Variants in ITGB8 observed in about 807,000 individuals in gnomAD.
ITGB8 encodes integrin beta-8.
Under a neutral mutation model 89.5 loss-of-function variants are expected in ITGB8, and 30 were observed. The observed-to-expected ratio is 0.34, with a 90% CI of 0.25 to 0.45. The LOEUF is 0.45. Among genes scored for constraint, ITGB8 ranks in the 20% least tolerant of loss-of-function variants. ITGB8 has a pLI of 1.00. For synonymous variants in ITGB8, 335 were observed against 320.4 expected (o/e 1.05, Z -0.49); for missense variants, 836 against 933.3 (o/e 0.90, Z 1.36).
chr7:20,402,101 A>T lies in ITGB8; in HGVS notation c.1662A>T (p.Pro554=), dbSNP rs1421370177. 1 of 1,612,818 alleles carries T rather than the reference A, an allele frequency of 6.2e-7. No homozygotes were observed. Among genetic ancestry groups the T allele is most frequent in the African/African-American group, 1.3e-5 (1 of 74,924 alleles). Residue 554 remains proline, a synonymous_variant, in exon 10 of 14, where the codon CCA becomes CCT. Transcript: ENST00000222573. ...GTGAAAAGGATGACTTTTCTTGTCC[A>T]TATCACCATGGAAATCTGTGTGCTG... The part of the protein sequence containing the change: ...KYCEKDDFSC[P]YHHGNLCAGH...
chr7:20,401,161 TAG>T (rs1229802051), intron 9 of ITGB8, among the ~76,000 whole-genome samples: 4 of 152,030 alleles, frequency 2.6e-5, no homozygotes, highest in African/African-American at 9.7e-5. Context: ...GAATTTTTAG[TAG>T]AGATAGGGTT....
In ITGB8 at chr7:20,413,240, TA is replaced by T. The variant is rs543638320; in HGVS notation, c.*3253del. ...TCAGTTTATCTTTGGTTTATTAAAA[TA>T]AAAAAAAAATCTAAGATTAAACACA... On this transcript the variant is annotated 3_prime_UTR_variant, in exon 14 of 14. Transcript: ENST00000222573. The T allele has an allele frequency of 8.8e-3, 1,323 of 149,854 alleles. 4 individuals are homozygous for T. The highest frequency in any genetic ancestry group is 0.013 in the Non-Finnish European group (904 of 67,106). 9.3% of individuals were successfully genotyped at this position (149,854 alleles called of 1,614,324 possible). A position where few individuals can be genotyped will look rare whatever the true frequency, so the allele number is the denominator to read the frequency against.
chr7:20,397,377 A>C (rs1285187630), intron 8 of ITGB8, among the ~76,000 whole-genome samples: 1 of 151,974 alleles, frequency 6.6e-6, no homozygotes, highest in Non-Finnish European at 1.5e-5. Flanking sequence ...CAGGCGTATC[A>C]CGCACACCCG....
chr7:20,402,320 T>G (rs1787347925), intron 10 of ITGB8, among the ~76,000 whole-genome samples, 194 bp downstream of exon 10: 3 of 152,260 alleles, frequency 2.0e-5, no homozygotes. Flanking sequence ...TATCTTAACC[T>G]ATTTTATACA....
chr7:20,372,297 A>G (rs1235485444), intron 3 of ITGB8, among the ~76,000 whole-genome samples: 1 of 152,192 alleles, frequency 6.6e-6, no homozygotes, highest in Non-Finnish European at 1.5e-5. Context: ...CTGAGACTAT[A>G]AATGAACAGT....
intron 1 of ITGB8, among the ~76,000 whole-genome samples, chr7:20,337,780 T>C (rs1352269616): frequency 6.6e-6 from 1 of 152,236 alleles, no homozygotes; most frequent in Non-Finnish European, 1.5e-5. Flanking sequence ...CCTCAGGCCA[T>C]TGACCTCAAC....
At position 20,371,574 on chromosome 7, in the gene ITGB8, G is replaced by A. The variant is rs372643176; in HGVS notation, c.388+4388G>A. 3.9e-5 allele frequency among the ~76,000 whole-genome samples: 6 copies of A among 151,982 alleles called. No homozygotes were observed. The East Asian group carries it at 5.8e-4, about 15-fold the overall frequency. On this transcript the variant is annotated intron_variant, in intron 3 of 13. Coordinates refer to ENST00000222573, the MANE Select transcript of ITGB8 (RefSeq NM_002214.3). ...CATTGTGCTACCTAATAGAAAATACGAATAAATGGAGAAGAATTTTATGCT... is the reference window on the plus strand; with the variant it reads ...CATTGTGCTACCTAATAGAAAATACAAATAAATGGAGAAGAATTTTATGCT...
In ITGB8 at chr7:20,363,735, T is replaced by G. The variant is rs760282422; in HGVS notation, c.213+13T>G. Reference sequence around the variant, plus strand: ...GTGTGTTCAAGAGGTGTGCCATTTTTTTTTTTCTTTTTCTCATGGTTGACT... The same window carrying G: ...GTGTGTTCAAGAGGTGTGCCATTTTGTTTTTTCTTTTTCTCATGGTTGACT... On this transcript the variant is annotated intron_variant, in intron 2 of 13. Coordinates refer to ENST00000222573, the MANE Select transcript of ITGB8 (RefSeq NM_002214.3). 3 of 1,542,762 alleles carry G rather than the reference T, an allele frequency of 1.9e-6. No individual in the cohort carries two copies. Among genetic ancestry groups the G allele is most frequent in the Non-Finnish European group, 2.6e-6 (3 of 1,143,214 alleles).
Position 20,409,684 on chromosome 7 carries a change from T to G in ITGB8, c.2093T>G (p.Leu698Trp), listed in dbSNP as rs750056004. 6.2e-7 allele frequency: 1 copy of G among 1,610,790 alleles called. No individual in the cohort carries two copies. Among genetic ancestry groups the G allele is most frequent in the Non-Finnish European group, 8.5e-7 (1 of 1,177,616 alleles). The change falls in exon 13 of 14, where the codon TTG becomes TGG. Residue 698 changes from leucine (L) to tryptophan (W), a missense_variant. Coordinates refer to ENST00000222573, the MANE Select transcript of ITGB8 (RefSeq NM_002214.3). ...TTCATAGTTACATTCTTGATTGGGT[T>G]GCTTAAAGTCCTGATCATTAGACAG... ...IIFIVTFLIG[L>W]LKVLIIRQVI...
At chr7:20,405,651 G>A (rs896876109) in intron 11 of ITGB8, among the ~76,000 whole-genome samples, 1 of 151,908 alleles carries the variant, frequency 6.6e-6, no homozygotes, top group Non-Finnish European at 1.5e-5. Context: ...AAGAACAATG[G>A]TGTCTGTGAC....
At chr7:20,343,817 T>A (rs2128128466) in intron 1 of ITGB8, among the ~76,000 whole-genome samples, 1 of 152,342 alleles carries the variant, frequency 6.6e-6, no homozygotes, top group South Asian at 2.1e-4. Context: ...TGAAAAGTGA[T>A]GTTTTAATTA....
intron 3 of ITGB8, among the ~76,000 whole-genome samples, chr7:20,375,725 C>T (rs75080055): frequency 0.012 from 1,776 of 152,288 alleles, 12 homozygotes; most frequent in Non-Finnish European, 0.019. Flanking sequence ...GACATATCAT[C>T]TATTAATATT....
chr7:20,382,632 G>A (rs1289919406), intron 6 of ITGB8, among the ~76,000 whole-genome samples: 1 of 152,096 alleles, frequency 6.6e-6, no homozygotes, highest in East Asian at 1.9e-4. Flanking sequence ...GTCTCTCAGT[G>A]ATTTTATTCC....
intron 3 of ITGB8, among the ~76,000 whole-genome samples, chr7:20,378,195 A>G (rs984492953): frequency 6.6e-6 from 1 of 152,236 alleles, no homozygotes; most frequent in Non-Finnish European, 1.5e-5. Flanking sequence ...TCAAATAGTA[A>G]TATGACAGAG....
chr7:20,336,393 G>A (rs931472603), intron 1 of ITGB8, among the ~76,000 whole-genome samples: 4 of 152,182 alleles, frequency 2.6e-5, no homozygotes, highest in African/African-American at 9.6e-5. Flanking sequence ...AGCAAATTGT[G>A]TAAACCATGT....
chr7:20,414,857 T>G lies in ITGB8; in HGVS notation c.*4860T>G, dbSNP rs189724255. On this transcript the variant is annotated 3_prime_UTR_variant, in exon 14 of 14. Coordinates refer to ENST00000222573, the MANE Select transcript of ITGB8 (RefSeq NM_002214.3). ...CTGCATAAAATTTATCTTTGTAAGCTAACTCTATTAATCAGGTTTCTTCTA... is the reference window on the plus strand; with the variant it reads ...CTGCATAAAATTTATCTTTGTAAGCGAACTCTATTAATCAGGTTTCTTCTA... 2.0e-5 allele frequency: 3 copies of G among 152,716 alleles called. No individual in the cohort carries two copies. The highest frequency in any genetic ancestry group is 3.9e-4 in the East Asian group (2 of 5,186). 9.5% of individuals were successfully genotyped at this position (152,716 alleles called of 1,614,324 possible).
At chr7:20,368,935 C>T (rs1785818856) in intron 3 of ITGB8, among the ~76,000 whole-genome samples, 1 of 152,130 alleles carries the variant, frequency 6.6e-6, no homozygotes, top group African/African-American at 2.4e-5. Flanking sequence ...TAGGGCCTTT[C>T]CCATTGTTAA....
chr7:20,351,126 T>C (rs1785099961), intron 1 of ITGB8, among the ~76,000 whole-genome samples: 1 of 152,236 alleles, frequency 6.6e-6, no homozygotes, highest in African/African-American at 2.4e-5. Flanking sequence ...ACCTTAGCAC[T>C]GATGATAAGA....
At chr7:20,409,392 C>T (rs1787675999) in intron 12 of ITGB8, among the ~76,000 whole-genome samples, 1 of 152,108 alleles carries the variant, frequency 6.6e-6, no homozygotes, top group African/African-American at 2.4e-5. Flanking sequence ...TGGCTATTTC[C>T]CAAAGGAGGG....
Sources: gnomAD v4.1 joint callset for allele counts (sites outside exome capture counted in the v4.1 genomes callset) on GRCh38, gnomAD v4.1.1 for gene constraint, MANE v1.5 for transcripts, NCBI Gene and HGNC (gene_info 2026-07-23, HGNC 2026-07-21) for gene names.